The following ZNF236 variants were observed in gnomAD, a reference collection of about 807,000 sequenced individuals.
ZNF236 encodes regulated by glucose.
A neutral mutation model predicts 191.2 loss-of-function variants in ZNF236; 50 were observed. The ratio of observed to expected loss-of-function variants is 0.26; its 90% CI spans 0.21 to 0.33. The LOEUF is 0.33. Ranked by LOEUF, ZNF236 falls within the 10% of genes least tolerant of loss-of-function variation. The pLI is 1.00. For synonymous variants in ZNF236, 907 were observed against 928.8 expected (o/e 0.98, Z 0.43); for missense variants, 1,754 against 2,374.5 (o/e 0.74, Z 5.43).
intron 16 of ZNF236, among the ~76,000 whole-genome samples, chr18:76,911,807 A>C (rs1219689694): frequency 6.6e-6 from 1 of 152,180 alleles, no homozygotes; most frequent in Non-Finnish European, 1.5e-5. Context: ...GGATGGGGTC[A>C]GTGTGACTGC....
intron 1 of ZNF236, among the ~76,000 whole-genome samples, chr18:76,822,874 G>A (rs1232410078): frequency 1.4e-5 from 2 of 147,558 alleles, no homozygotes; most frequent in Non-Finnish European, 3.0e-5. Flanking sequence ...CCCTCCGCGC[G>A]CTGGGCCTAC....
rs371645927 is a variant in ZNF236, at chr18:76,841,694, C to CT, written c.56-7818dup. Among the ~76,000 whole-genome samples the CT allele has an allele frequency of 4.2e-3, 543 of 128,786 alleles. 7 individuals are homozygous for CT. Among genetic ancestry groups the CT allele is most frequent in the African/African-American group, 9.6e-3 (334 of 34,618 alleles). The allele number at this position is 128,786 out of a possible 152,430, so 84.5% of individuals were successfully genotyped here. ...AAGTAGCAACTGGGTTTTTTTTTTT[C>CT]TTTTTTTTTTTTTTCTGAGATGGAG... On this transcript the variant is annotated intron_variant, in intron 1 of 30. Coordinates refer to ENST00000320610, the MANE Select transcript of ZNF236 (RefSeq NM_001306089.2).
chr18:76,877,452 A>C (rs1377036937), intron 6 of ZNF236, among the ~76,000 whole-genome samples: 4 of 152,072 alleles, frequency 2.6e-5, no homozygotes, highest in African/African-American at 9.7e-5. Context: ...GGTTGCAGTG[A>C]GCCGAGATCA....
Position 76,972,295 on chromosome 18 carries a change from A to G in ZNF236, c.*3956A>G, listed in dbSNP as rs1053457469. Reference sequence around the variant, plus strand: ...CTTTTCGTGGGCCAGATGCCCACATATTCCTAGCAGAGACATGTTCTTTGT... The same window carrying G: ...CTTTTCGTGGGCCAGATGCCCACATGTTCCTAGCAGAGACATGTTCTTTGT... On this transcript the variant is annotated 3_prime_UTR_variant, in exon 31 of 31. Coordinates refer to ENST00000320610, the MANE Select transcript of ZNF236 (RefSeq NM_001306089.2). 2.0e-5 allele frequency among the ~76,000 whole-genome samples: 3 copies of G among 152,244 alleles called. No individual in the cohort carries two copies. Among genetic ancestry groups the G allele is most frequent in the African/African-American group, 7.2e-5 (3 of 41,452 alleles).
intron 1 of ZNF236, among the ~76,000 whole-genome samples, chr18:76,823,229 C>T (rs1469005934): frequency 1.3e-5 from 2 of 149,790 alleles, no homozygotes; most frequent in African/African-American, 2.5e-5. Context: ...CAGCGTTGTC[C>T]GGGAAGCGCA....
At chr18:76,843,990 C>T (rs944060064) in intron 1 of ZNF236, among the ~76,000 whole-genome samples, 3 of 151,846 alleles carry the variant, frequency 2.0e-5, no homozygotes, top group Non-Finnish European at 2.9e-5. Context: ...CAGTGTCTCA[C>T]GCCTGTAATC....
intron 20 of ZNF236, among the ~76,000 whole-genome samples, chr18:76,921,834 G>A (rs574836540): frequency 1.1e-4 from 16 of 139,308 alleles, no homozygotes; most frequent in Non-Finnish European, 1.8e-4. Flanking sequence ...CTCCGAGAAC[G>A]GGACGTTCTT....
At chr18:76,831,740 G>A (rs1272825841) in intron 1 of ZNF236, among the ~76,000 whole-genome samples, 2 of 152,284 alleles carry the variant, frequency 1.3e-5, no homozygotes, top group Non-Finnish European at 2.9e-5. Context: ...TCTGTTAGGC[G>A]TGTACTGGAT....
chr18:76,889,097 T>C lies in ZNF236; in HGVS notation c.1418-5916T>C, dbSNP rs528391088. 3.8e-4 allele frequency among the ~76,000 whole-genome samples: 58 copies of C among 152,358 alleles called. No homozygotes were observed. The East Asian group carries it at 4.4e-3, about 12-fold the overall frequency. On this transcript the variant is annotated intron_variant, in intron 9 of 30. Transcript: ENST00000320610. ...CCAGGCATCCTGTACCCCAGCCATA[T>C]TGAACTGGAGGTTTCTGGGACTCAC...
At chr18:76,904,356 A>C (rs1359075767) in intron 11 of ZNF236, 24 bp from the exon 12 acceptor site, 1 of 1,582,594 alleles carries the variant, frequency 6.3e-7, no homozygotes, top group African/African-American at 1.4e-5. Context: ...AGTGAATTAC[A>C]TCTGCTTTTC....
chr18:76,913,479 G>A (rs1252263246), intron 17 of ZNF236, among the ~76,000 whole-genome samples: 1 of 152,180 alleles, frequency 6.6e-6, no homozygotes, highest in Non-Finnish European at 1.5e-5. Flanking sequence ...GTCTGCTGGG[G>A]AGTTATAGGA....
rs770978932 is a variant in ZNF236 at position 76,919,886 on chromosome 18, C to T, written c.3385C>T (p.Arg1129Trp). 11 of 1,614,046 alleles carry T rather than the reference C, an allele frequency of 6.8e-6. No homozygotes were observed. The highest frequency in any genetic ancestry group is 4.4e-5 in the South Asian group (4 of 91,078). Reference protein sequence around the residue: ...EEETAQLAKIRPQESATVSEK... With the variant: ...EEETAQLAKIWPQESATVSEK... Reference sequence around the variant, plus strand: ...GGAGACAGCCCAGTTAGCCAAGATCCGGCCGCAGGAGAGCGCCACGGTGTC... The same window carrying T: ...GGAGACAGCCCAGTTAGCCAAGATCTGGCCGCAGGAGAGCGCCACGGTGTC... The change falls in exon 20 of 31, where the codon CGG becomes TGG. Residue 1129 changes from arginine (R) to tryptophan (W), a missense_variant. Coordinates refer to ENST00000320610, the MANE Select transcript of ZNF236 (RefSeq NM_001306089.2). This position sits in a 1 kb window ranked among gnomAD's most constrained non-coding sequence, Gnocchi z 5.3.
chr18:76,836,551 A>T (rs573075795), intron 1 of ZNF236, among the ~76,000 whole-genome samples: 214 of 151,494 alleles, frequency 1.4e-3, no homozygotes, highest in Non-Finnish European at 2.8e-3. Flanking sequence ...TTGATTCACA[A>T]AGGTTTTATT....
At chr18:76,913,695 G>A in intron 17 of ZNF236, 52 bp from the exon 18 acceptor site, 1 of 1,585,420 alleles carries the variant, frequency 6.3e-7, no homozygotes, top group Non-Finnish European at 8.6e-7. Context: ...TGCTGTATTT[G>A]TAATTGTGCT....
chr18:76,907,620 G>A (rs961625536), intron 13 of ZNF236, among the ~76,000 whole-genome samples: 2 of 152,066 alleles, frequency 1.3e-5, no homozygotes, highest in South Asian at 2.1e-4. Flanking sequence ...TGAGCTGCGC[G>A]CCTGGCCGGC....
chr18:76,890,215 C>T lies in ZNF236; in HGVS notation c.1418-4798C>T, dbSNP rs191559334. 5.3e-5 allele frequency among the ~76,000 whole-genome samples: 8 copies of T among 152,312 alleles called. No homozygotes were observed. The East Asian group carries it at 1.3e-3, about 26-fold the overall frequency. ...GTTAACATTTTACTACATTTGATTT[C>T]GCTGTTTAGCTATTTTTTTCCTGAA... On this transcript the variant is annotated intron_variant, in intron 9 of 30. Transcript: ENST00000320610.
intron 3 of ZNF236, among the ~76,000 whole-genome samples, chr18:76,866,889 T>C (rs761517664): frequency 5.9e-5 from 9 of 152,178 alleles, no homozygotes; most frequent in Non-Finnish European, 1.2e-4. Context: ...GACAGTGATG[T>C]AGCCGTCTGT....
Position 76,882,239 on chromosome 18 carries a change from A to G in ZNF236, c.1417+727A>G, listed in dbSNP as rs116185851. Among the ~76,000 whole-genome samples, 1,322 of 152,230 alleles carry G rather than the reference A, an allele frequency of 8.7e-3. 25 individuals are homozygous for G. Among genetic ancestry groups the G allele is most frequent in the African/African-American group, 0.028 (1,154 of 41,546 alleles). On this transcript the variant is annotated intron_variant, in intron 9 of 30. Coordinates refer to ENST00000320610, the MANE Select transcript of ZNF236 (RefSeq NM_001306089.2). ...TCCGTCAAATCTTGGCCGTCATTCA[A>G]GCATCTTCAGTGCTCCGTCATTCAA...
chr18:76,857,756 A>C (rs1381976936), intron 3 of ZNF236, among the ~76,000 whole-genome samples: 2 of 152,040 alleles, frequency 1.3e-5, no homozygotes, highest in Admixed American at 6.6e-5. Context: ...ATGAGAAGCA[A>C]ATGTTTGTAT....
Sources: gnomAD v4.1 joint callset for allele counts (sites outside exome capture counted in the v4.1 genomes callset) on GRCh38, gnomAD v4.1.1 for gene constraint, Gnocchi (gnomAD v3.1) non-coding constraint, MANE v1.5 for transcripts, NCBI Gene and HGNC (gene_info 2026-07-23, HGNC 2026-07-21) for gene names.